TNFAIP8: variants seen among roughly 807,000 people sequenced by gnomAD.
TNFAIP8 encodes the protein TNF alpha induced protein 8, also known as tumor necrosis factor alpha-induced protein 8.
A neutral mutation model predicts 13.3 loss-of-function variants in TNFAIP8; 7 were observed. The observed-to-expected ratio is 0.52, with a 90% confidence interval of 0.30 to 0.99. The LOEUF is 0.99. TNFAIP8 is among the 50% of genes least tolerant of loss of function. The pLI, the probability that TNFAIP8 is intolerant of heterozygous loss-of-function variation, is 0.07. For synonymous variants in TNFAIP8, 94 were observed against 87.6 expected (o/e 1.07, Z -0.41); for missense variants, 258 against 236.9 (o/e 1.09, Z -0.58).
chr5:119,300,948 G>C (rs1195059773), intron 1 of TNFAIP8, among the ~76,000 whole-genome samples: 2 of 151,348 alleles, frequency 1.3e-5, no homozygotes, highest in Non-Finnish European at 2.9e-5. Flanking sequence ...CATCTCCGAG[G>C]CACAGTTTTA....
At chr5:119,363,100 A>C (rs1248266006) in intron 1 of TNFAIP8, among the ~76,000 whole-genome samples, 1 of 152,192 alleles carries the variant, frequency 6.6e-6, no homozygotes, top group African/African-American at 2.4e-5. Flanking sequence ...CAATAAAGGA[A>C]ATAGAAATGG....
At chr5:119,380,882 ATATTCCTTG>A (rs1265817063) in intron 1 of TNFAIP8, among the ~76,000 whole-genome samples, 5 of 152,210 alleles carry the variant, frequency 3.3e-5, no homozygotes, top group Admixed American at 1.3e-4. Flanking sequence ...CATTTTATCT[ATATTCCTTG>A]CACAAGCTGA....
intron 1 of TNFAIP8, among the ~76,000 whole-genome samples, chr5:119,315,557 C>A (rs929349823): frequency 1.3e-5 from 2 of 152,162 alleles, no homozygotes; most frequent in African/African-American, 4.8e-5. Flanking sequence ...CAGTCTAGCT[C>A]CCAGGGGAAC....
At chr5:119,347,888 C>G (rs1049817438) in intron 1 of TNFAIP8, among the ~76,000 whole-genome samples, 4 of 152,196 alleles carry the variant, frequency 2.6e-5, no homozygotes, top group Non-Finnish European at 5.9e-5. Context: ...CTACCCATGT[C>G]AGAAACTCAA....
chr5:119,277,030 C>T (rs987980936), intron 1 of TNFAIP8, among the ~76,000 whole-genome samples: 11 of 151,770 alleles, frequency 7.2e-5, no homozygotes, highest in African/African-American at 4.8e-5. Flanking sequence ...ACCATAATAC[C>T]GAATAATAAA....
intron 1 of TNFAIP8, among the ~76,000 whole-genome samples, chr5:119,320,531 C>T (rs1201570669): frequency 2.0e-5 from 3 of 152,178 alleles, no homozygotes; most frequent in Admixed American, 6.5e-5. Context: ...TGCTGCCCCT[C>T]CCCACTCCAC....
chr5:119,275,534 A>C (rs942505166), intron 1 of TNFAIP8, among the ~76,000 whole-genome samples: 6 of 152,152 alleles, frequency 3.9e-5, no homozygotes, highest in African/African-American at 1.4e-4. Flanking sequence ...TCCTGTCCTG[A>C]GGTCCTGGTA....
chr5:119,353,123 A>T (rs559487851), upstream of TNFAIP8, among the ~76,000 whole-genome samples: 6 of 152,206 alleles, frequency 3.9e-5, no homozygotes, highest in African/African-American at 1.4e-4. Flanking sequence ...GGCGGGCGGT[A>T]ATAGTTTGTT....
At chr5:119,335,815 G>T (rs1205474164) in intron 1 of TNFAIP8, among the ~76,000 whole-genome samples, 8 of 151,822 alleles carry the variant, frequency 5.3e-5, no homozygotes, top group Non-Finnish European at 1.2e-4. Context: ...ATAATAAGTG[G>T]AGAACCGAGT....
At chr5:119,289,644 G>A (rs1219656754) in intron 1 of TNFAIP8, among the ~76,000 whole-genome samples, 1 of 152,204 alleles carries the variant, frequency 6.6e-6, no homozygotes, top group Non-Finnish European at 1.5e-5. Flanking sequence ...GTACATGGCT[G>A]CTGTTTATTA....
chr5:119,367,705 T>C (rs557958350), intron 1 of TNFAIP8, among the ~76,000 whole-genome samples: 8 of 152,330 alleles, frequency 5.3e-5, no homozygotes, highest in African/African-American at 1.9e-4. Flanking sequence ...CAGGAAGTAT[T>C]CAGTATAGAT....
chr5:119,382,131 AC>A (rs1258506398), intron 1 of TNFAIP8, among the ~76,000 whole-genome samples: 1 of 152,198 alleles, frequency 6.6e-6, no homozygotes, highest in Non-Finnish European at 1.5e-5. Context: ...GCTCTGAAAT[AC>A]AATCATATTT....
At chr5:119,344,254 A>ATG (rs1750826671) in intron 1 of TNFAIP8, among the ~76,000 whole-genome samples, 1 of 152,228 alleles carries the variant, frequency 6.6e-6, no homozygotes, top group Non-Finnish European at 1.5e-5. Flanking sequence ...GAAGGAGCAG[A>ATG]TGTGTCACAC....
chr5:119,302,416 A>G (rs1749424010), intron 1 of TNFAIP8, among the ~76,000 whole-genome samples: 1 of 152,046 alleles, frequency 6.6e-6, no homozygotes, highest in African/African-American at 2.4e-5. Context: ...CTAGAATCCC[A>G]TTTTCTCCTC....
At chr5:119,293,257 A>G (rs1561986322) in intron 1 of TNFAIP8, among the ~76,000 whole-genome samples, 2 of 152,024 alleles carry the variant, frequency 1.3e-5, no homozygotes, top group Non-Finnish European at 2.9e-5. Context: ...TGTACAATAG[A>G]TTGTTATTAA....
At chr5:119,364,068 C>T (rs530657001) in intron 1 of TNFAIP8, among the ~76,000 whole-genome samples, 37 of 152,294 alleles carry the variant, frequency 2.4e-4, no homozygotes, top group Admixed American at 2.0e-3. Flanking sequence ...CCAGCACCTC[C>T]AGGTGGGATG....
intron 1 of TNFAIP8, among the ~76,000 whole-genome samples, chr5:119,344,125 A>G (rs1750822616): frequency 6.6e-6 from 1 of 152,196 alleles, no homozygotes; most frequent in Non-Finnish European, 1.5e-5. Context: ...AACCTGAGTA[A>G]TTTATAAAGA....
At chr5:119,327,846 T>A (rs1012139828) in intron 1 of TNFAIP8, among the ~76,000 whole-genome samples, 4 of 152,152 alleles carry the variant, frequency 2.6e-5, no homozygotes, top group African/African-American at 9.7e-5. Flanking sequence ...ACAGAGAAAT[T>A]AAGTTACTAT....
chr5:119,388,421 G>C (rs1050465577), intron 1 of TNFAIP8, among the ~76,000 whole-genome samples: 1 of 152,168 alleles, frequency 6.6e-6, no homozygotes, highest in African/African-American at 2.4e-5. Flanking sequence ...GTATATTGTG[G>C]ATGAGATAGG....
Sources: gnomAD v4.1 joint callset for allele counts (sites outside exome capture counted in the v4.1 genomes callset) on GRCh38, gnomAD v4.1.1 for gene constraint, MANE v1.5 for transcripts, NCBI Gene and HGNC (gene_info 2026-07-23, HGNC 2026-07-21) for gene names.